Variants in ACTR1A observed in about 807,000 individuals in gnomAD.
ACTR1A encodes the protein actin related protein 1A.
Under a neutral mutation model 50.7 loss-of-function variants are expected in ACTR1A, and 10 were observed. That is an observed-to-expected ratio of 0.20 (90% CI 0.12 to 0.33). The LOEUF (loss-of-function observed/expected upper bound fraction) is 0.33, where lower values mean the gene tolerates loss of function less well. Among genes scored for constraint, ACTR1A ranks in the 10% least tolerant of loss-of-function variants. The probability of loss-of-function intolerance (pLI) is 1.00; values close to 1 mark genes in which losing one functional copy is unlikely to be tolerated. For synonymous variants in ACTR1A, 177 were observed against 184.2 expected, an observed-to-expected ratio of 0.96 and a Z score of 0.32; for missense variants, 253 against 491.7, an observed-to-expected ratio of 0.51 and a Z score of 4.59.
intron 1 of ACTR1A, among the ~76,000 whole-genome samples, chr10:102,497,171 G>GAAAA (rs968687001): frequency 2.6e-4 from 18 of 69,630 alleles, no homozygotes; most frequent in Non-Finnish European, 4.1e-4. Context: ...TCCATCTCAG[G>GAAAA]AAAAAAAAAA....
At position 102,491,411 on chromosome 10, in the gene ACTR1A, G is replaced by A. The variant is rs1589962956; in HGVS notation, c.49-798C>T. On this transcript the variant is annotated intron_variant, in intron 1 of 10. Coordinates refer to ENST00000369905, the MANE Select transcript of ACTR1A (RefSeq NM_005736.4). ...CACCGCCATGAGCACTGTCATGCTT[G>A]AAATGGACTCCCATGGAACACGTGC... 2.0e-5 allele frequency among the ~76,000 whole-genome samples: 3 copies of A among 152,330 alleles called. No individual in the cohort carries two copies. The East Asian group carries it at 5.8e-4, about 29-fold the overall frequency.
chr10:102,486,787 TTTC>T (rs1417793546), intron 4 of ACTR1A, among the ~76,000 whole-genome samples: 9 of 134,292 alleles, frequency 6.7e-5, no homozygotes, highest in Admixed American at 1.6e-4. Context: ...ATTTTCTTTC[TTTC>T]TTTTTTTTTT....
At chr10:102,481,065 AG>A (rs1428971951) in intron 10 of ACTR1A, 66 bp downstream of exon 10, 10 of 1,587,632 alleles carry the variant, frequency 6.3e-6, no homozygotes, top group Admixed American at 1.7e-5. Flanking sequence ...TTTTCTTTAG[AG>A]GGTGCTGAGG....
intron 9 of ACTR1A, 100 bp downstream of exon 9, chr10:102,481,737 G>T: frequency 7.1e-7 from 1 of 1,402,910 alleles, no homozygotes; most frequent in Non-Finnish European, 1.0e-6. Context: ...AGCCATGGCT[G>T]CTTGAAGAGC....
chr10:102,491,047 A>T (rs999762805), intron 1 of ACTR1A, among the ~76,000 whole-genome samples: 118 of 152,312 alleles, frequency 7.7e-4, no homozygotes, highest in African/African-American at 2.8e-3. Context: ...TTGAACCTAG[A>T]AAAAGGTAAA....
chr10:102,500,613 G>A (rs1422727728), intron 1 of ACTR1A, among the ~76,000 whole-genome samples: 1 of 108,390 alleles, frequency 9.2e-6, no homozygotes, highest in Non-Finnish European at 2.2e-5. Context: ...ACAAAAATTA[G>A]CCAGGCGTGG....
chr10:102,493,001 C>CAAAAAAAAA lies in ACTR1A; in HGVS notation c.49-2397_49-2389dup, dbSNP rs398014648. Among the ~76,000 whole-genome samples the CAAAAAAAAA allele has an allele frequency of 2.1e-3, 103 of 48,906 alleles. 1 individual carries two copies. The highest frequency in any genetic ancestry group is 5.6e-3 in the African/African-American group (59 of 10,508). The allele number at this position is 48,906 out of a possible 152,430, so 32.1% of individuals were successfully genotyped here. On this transcript the variant is annotated intron_variant, in intron 1 of 10. Coordinates refer to ENST00000369905, the MANE Select transcript of ACTR1A (RefSeq NM_005736.4). ...AGGGAGACAGAGTGAGACTCCACCT[C>CAAAAAAAAA]AAAAAAAAAAAAAAAAAAAAAAAGA... is the stretch of plus-strand genomic sequence containing the variant.
At position 102,488,376 on chromosome 10, in the gene ACTR1A, C is replaced by T. The variant is rs755082334; in HGVS notation, c.190-101G>A. 9.2e-6 allele frequency: 14 copies of T among 1,517,728 alleles called. No homozygotes were observed. The highest frequency in any genetic ancestry group is 2.7e-5 in the African/African-American group (2 of 73,080). The allele number at this position is 1,517,728 out of a possible 1,614,324, so 94.0% of individuals were successfully genotyped here. ...CAAGCTGAATCCCTTGCAAAGAAGCCTCAGCTTCCTGAGCTTCCACCCTGC... is the reference window on the plus strand; with the variant it reads ...CAAGCTGAATCCCTTGCAAAGAAGCTTCAGCTTCCTGAGCTTCCACCCTGC... On this transcript the variant is annotated intron_variant, in intron 3 of 10. Transcript: ENST00000369905. This position sits in a 1 kb window ranked among gnomAD's most constrained non-coding sequence, Gnocchi z 4.4.
chr10:102,480,862 A>G lies in ACTR1A; in HGVS notation c.*1T>C, dbSNP rs769842344. On this transcript the variant is annotated 3_prime_UTR_variant, in exon 11 of 11. Coordinates refer to ENST00000369905, the MANE Select transcript of ACTR1A (RefSeq NM_005736.4). ...AGAGAGGTGAAGATGATGTCCCGACATTAGAAGGTTTTTCTGTGGATGGAT... is the reference window on the plus strand; with the variant it reads ...AGAGAGGTGAAGATGATGTCCCGACGTTAGAAGGTTTTTCTGTGGATGGAT... 1.2e-6 allele frequency: 2 copies of G among 1,609,552 alleles called. No individual in the cohort carries two copies. The highest frequency in any genetic ancestry group is 1.7e-6 in the Non-Finnish European group (2 of 1,176,076).
intron 1 of ACTR1A, among the ~76,000 whole-genome samples, chr10:102,493,655 G>A (rs1028514437): frequency 1.1e-4 from 16 of 152,168 alleles, no homozygotes; most frequent in African/African-American, 3.6e-4. Context: ...CCTGTACCAC[G>A]AGGTGGCATG....
At chr10:102,485,099 CAAAT>C (rs2062160485) in intron 5 of ACTR1A, among the ~76,000 whole-genome samples, 1 of 152,310 alleles carries the variant, frequency 6.6e-6, no homozygotes, top group South Asian at 2.1e-4. Context: ...TTAATGGGGT[CAAAT>C]AAATCCCACG....
rs1271256908 is a variant in ACTR1A, at chr10:102,482,850, G to A, written c.750+161C>T. On this transcript the variant is annotated intron_variant, in intron 7 of 10. Transcript: ENST00000369905. The surrounding 1 kb of genome is among the most constrained non-coding windows in gnomAD (Gnocchi z 5.6). ...TTACGACTTTGTGTTGGGCCTTACT[G>A]AAAGCCATCCTGGGCCACGTGCAGC... The A allele has an allele frequency of 1.5e-6, 1 of 650,880 alleles. No homozygotes were observed. The highest frequency in any genetic ancestry group is 2.7e-6 in the Non-Finnish European group (1 of 364,632). 40.3% of individuals were successfully genotyped at this position (650,880 alleles called of 1,614,324 possible).
rs746359181 is a variant in ACTR1A, at chr10:102,480,732, C to T, written c.*131G>A. ...CAGGGTCCCAGGGCCACACGGCACT[C>T]GCATGTGCACACACACTCATATCCA... On this transcript the variant is annotated 3_prime_UTR_variant, in exon 11 of 11. Coordinates refer to ENST00000369905, the MANE Select transcript of ACTR1A (RefSeq NM_005736.4). 54 of 780,240 alleles carry T rather than the reference C, an allele frequency of 6.9e-5. No homozygotes were observed. Among genetic ancestry groups the T allele is most frequent in the Middle Eastern group, 7.5e-4 (2 of 2,680 alleles). The allele number at this position is 780,240 out of a possible 1,614,324, so 48.3% of individuals were successfully genotyped here.
intron 1 of ACTR1A, among the ~76,000 whole-genome samples, chr10:102,492,101 C>T (rs1163904253): frequency 3.5e-5 from 4 of 113,034 alleles, no homozygotes; most frequent in South Asian, 3.1e-4. Flanking sequence ...GACAGAATCT[C>T]GGTCTGTCAC....
intron 1 of ACTR1A, among the ~76,000 whole-genome samples, chr10:102,492,245 A>AT (rs1479073897): frequency 6.9e-6 from 1 of 145,766 alleles, no homozygotes; most frequent in East Asian, 2.1e-4. Flanking sequence ...TAATTTTTGT[A>AT]TTTTTAGTGG....
At position 102,484,238 on chromosome 10, in the gene ACTR1A, G is replaced by A. The variant is rs141574803; in HGVS notation, c.579C>T (p.Phe193=). ...CCTCCTTACGCAGGTAGAGGCGCAG[G>A]AAGCGAGAGACGTCCCGGCCCGCGA... ...IDIAGRDVSR[F]LRLYLRKEGY... The change falls in exon 6 of 11, where the codon TTC becomes TTT. Residue 193 remains phenylalanine, a synonymous_variant. Transcript: ENST00000369905. 149 of 1,614,124 alleles carry A rather than the reference G, an allele frequency of 9.2e-5. 1 individual carries two copies. The highest frequency in any genetic ancestry group is 1.2e-4 in the Non-Finnish European group (140 of 1,180,050).
chr10:102,488,974 G>T lies in ACTR1A; in HGVS notation c.189+89C>A. 1.0e-6 allele frequency: 1 copy of T among 966,596 alleles called. No individual in the cohort carries two copies. Among genetic ancestry groups the T allele is most frequent in the Non-Finnish European group, 1.4e-6 (1 of 690,732 alleles). The allele number at this position is 966,596 out of a possible 1,614,324, so 59.9% of individuals were successfully genotyped here. ...AGAAAGTTGCCCCTTTTACTTATGG[G>T]TATGTCCAAATGTTGGGACATGTTC... On this transcript the variant is annotated intron_variant, in intron 3 of 10. Coordinates refer to ENST00000369905, the MANE Select transcript of ACTR1A (RefSeq NM_005736.4). The surrounding 1 kb of genome is among the most constrained non-coding windows in gnomAD (Gnocchi z 4.4).
intron 3 of ACTR1A, 36 bp downstream of exon 3, chr10:102,489,027 C>T: frequency 6.8e-7 from 1 of 1,467,340 alleles, no homozygotes; most frequent in Non-Finnish European, 9.1e-7. Context: ...AGGTCCTCTG[C>T]TGGCTTAAGG....
Position 102,482,623 on chromosome 10 carries a change from C to T in ACTR1A, c.750+388G>A. The T allele has an allele frequency of 3.6e-6, 1 of 278,420 alleles. No homozygotes were observed. 17.2% of individuals were successfully genotyped at this position (278,420 alleles called of 1,614,324 possible). ...AGCAAAGTTCTGGCTGCCTCCTCTG[C>T]AGGAGACAGGGCCACTCATGCTCAG... On this transcript the variant is annotated intron_variant, in intron 7 of 10. Coordinates refer to ENST00000369905, the MANE Select transcript of ACTR1A (RefSeq NM_005736.4). This position sits in a 1 kb window ranked among gnomAD's most constrained non-coding sequence, Gnocchi z 5.6.
Sources: gnomAD v4.1 joint callset for allele counts (sites outside exome capture counted in the v4.1 genomes callset) on GRCh38, gnomAD v4.1.1 for gene constraint, Gnocchi (gnomAD v3.1) non-coding constraint, MANE v1.5 for transcripts, NCBI Gene and HGNC (gene_info 2026-07-23, HGNC 2026-07-21) for gene names.